The following GCNT4 variants were observed in gnomAD, a reference collection of about 807,000 sequenced individuals.
GCNT4 encodes the protein glucosaminyl (N-acetyl) transferase 4.
Under a neutral mutation model 31.3 loss-of-function variants are expected in GCNT4, and 17 were observed. The ratio of observed to expected loss-of-function variants is 0.54; its 90% confidence interval spans 0.37 to 0.81. The LOEUF (loss-of-function observed/expected upper bound fraction) is 0.81, where lower values mean the gene tolerates loss of function less well. Among genes scored for constraint, GCNT4 ranks in the 40% least tolerant of loss-of-function variants. The probability of loss-of-function intolerance (pLI) is 0.00; values close to 1 mark genes in which losing one functional copy is unlikely to be tolerated. For synonymous variants in GCNT4, 158 were observed against 190.6 expected, an observed-to-expected ratio of 0.83 and a Z score of 1.41; for missense variants, 503 against 525.5, an observed-to-expected ratio of 0.96 and a Z score of 0.42.
chr5:75,019,539 C>G, the GCNT4 span, among the ~76,000 whole-genome samples: 1 of 152,212 alleles, frequency 6.6e-6, no homozygotes, highest in Admixed American at 6.5e-5. Flanking sequence ...AAATCCCAAT[C>G]TCAGCTCTGA....
chr5:75,032,291 C>T (rs1561373987), intron 3 of GCNT4, among the ~76,000 whole-genome samples: 1 of 152,188 alleles, frequency 6.6e-6, no homozygotes, highest in African/African-American at 2.4e-5. Context: ...AACACCTTTC[C>T]CTCCAGCCTT....
intron 3 of GCNT4, among the ~76,000 whole-genome samples, chr5:75,042,342 T>G (rs1484383432): frequency 6.6e-6 from 1 of 152,148 alleles, no homozygotes; most frequent in Non-Finnish European, 1.5e-5. Flanking sequence ...AGAAAGAAAA[T>G]AACTTTCTCC....
In GCNT4 at chr5:75,028,541, C is replaced by T. The variant is rs1208378210; in HGVS notation, c.*135G>A. ...AACATCAAAGGCTAGATCACTTTCC[C>T]TTGTGTATGGAATTTTGGACACCTT... On this transcript the variant is annotated 3_prime_UTR_variant, in exon 4 of 4. Coordinates refer to ENST00000652361, the MANE Select transcript of GCNT4 (RefSeq NM_001366737.1). 26 of 809,678 alleles carry T rather than the reference C, an allele frequency of 3.2e-5. No individual in the cohort carries two copies. The highest frequency in any genetic ancestry group is 4.7e-5 in the Non-Finnish European group (25 of 528,946). The allele number at this position is 809,678 out of a possible 1,614,324, so 50.2% of individuals were successfully genotyped here. A position where few individuals can be genotyped will look rare whatever the true frequency, so the allele number is the denominator to read the frequency against.
chr5:75,026,647 CAAAAAAAAAAA>C lies in GCNT4; in HGVS notation c.*2018_*2028del, dbSNP rs547466422. 1 of 65,804 alleles carries C rather than the reference CAAAAAAAAAAA, an allele frequency of 1.5e-5. No homozygotes were observed. Among genetic ancestry groups the C allele is most frequent in the Non-Finnish European group, 3.0e-5 (1 of 33,792 alleles). The allele number at this position is 65,804 out of a possible 1,614,324, so 4.1% of individuals were successfully genotyped here. A position where few individuals can be genotyped will look rare whatever the true frequency, so the allele number is the denominator to read the frequency against. On this transcript the variant is annotated 3_prime_UTR_variant, in exon 4 of 4. Coordinates refer to ENST00000652361, the MANE Select transcript of GCNT4 (RefSeq NM_001366737.1). ...CATATACTATTTCAATCGATTCTCA[CAAAAAAAAAAA>C]AAAAAAAAAAAAAACACTTGTGTGG... is the stretch of plus-strand genomic sequence containing the variant.
At chr5:75,042,072 A>G (rs1743333522) in intron 3 of GCNT4, among the ~76,000 whole-genome samples, 1 of 152,234 alleles carries the variant, frequency 6.6e-6, no homozygotes, top group Non-Finnish European at 1.5e-5. Flanking sequence ...TTAGATATAA[A>G]GGATTATGAA....
intron 3 of GCNT4, among the ~76,000 whole-genome samples, chr5:75,047,403 G>C (rs1743465884): frequency 6.6e-6 from 1 of 152,192 alleles, no homozygotes; most frequent in African/African-American, 2.4e-5. Flanking sequence ...GGCATCAAAA[G>C]AGGTTTGGAA....
At position 75,038,735 on chromosome 5, in the gene GCNT4, A is replaced by C. The variant is rs148246949; in HGVS notation, c.-1-8697T>G. On this transcript the variant is annotated intron_variant, in intron 3 of 3. Transcript: ENST00000652361. The stretch of plus-strand genomic sequence containing the variant: ...TATGCCTTAGGGCTCTACCCTCATG[A>C]TTTAATCACTGTCTAAAGGCCCCAC... Among the ~76,000 whole-genome samples, 37 of 152,304 alleles carry C rather than the reference A, an allele frequency of 2.4e-4. 1 individual carries two copies. In the East Asian group the frequency reaches 6.2e-3, roughly 25 times the overall value.
chr5:75,042,090 T>C (rs1229071431), intron 3 of GCNT4, among the ~76,000 whole-genome samples: 1 of 152,222 alleles, frequency 6.6e-6, no homozygotes, highest in Non-Finnish European at 1.5e-5. Context: ...GAAAAAGGGG[T>C]GAATGAATGC....
intron 3 of GCNT4, among the ~76,000 whole-genome samples, chr5:75,041,099 G>A (rs532315883): frequency 4.3e-4 from 66 of 152,350 alleles, no homozygotes; most frequent in African/African-American, 1.6e-3. Context: ...AGCTTTTCCT[G>A]TAAGTTCATT....
rs1017844369 is a variant in GCNT4, at chr5:75,027,239, A to G, written c.*1437T>C. 1 of 145,104 alleles carries G rather than the reference A, an allele frequency of 6.9e-6. No individual in the cohort carries two copies. Among genetic ancestry groups the G allele is most frequent in the African/African-American group, 2.6e-5 (1 of 39,100 alleles). 9.0% of individuals were successfully genotyped at this position (145,104 alleles called of 1,614,324 possible). ...ATTCCTACCCCATTTTACTTCCAGA[A>G]CAATTCCATTATATATATAATATAT... On this transcript the variant is annotated 3_prime_UTR_variant, in exon 4 of 4. Transcript: ENST00000652361.
At position 75,028,770 on chromosome 5, in the gene GCNT4, C is replaced by A; in HGVS notation, c.1268G>T (p.Cys423Phe). The A allele has an allele frequency of 6.2e-7, 1 of 1,614,036 alleles. No homozygotes were observed. The highest frequency in any genetic ancestry group is 1.3e-5 in the African/African-American group (1 of 75,054). ...DSKVDPILIK[C>F]LAEKLEEQQR... Reference sequence around the variant, plus strand: ...CTGTTCTTCAAGCTTTTCTGCCAAGCATTTAATCAAGATAGGGTCCACCTT... The same window carrying A: ...CTGTTCTTCAAGCTTTTCTGCCAAGAATTTAATCAAGATAGGGTCCACCTT... The change falls in exon 4 of 4, where the codon TGC (cysteine) becomes TTC (phenylalanine). Residue 423 changes from cysteine to phenylalanine, a missense_variant. By Grantham distance (205) the Cys-to-Phe change is radical. Coordinates refer to ENST00000652361, the MANE Select transcript of GCNT4 (RefSeq NM_001366737.1).
At position 75,030,011 on chromosome 5, in the gene GCNT4, T is replaced by C; in HGVS notation, c.27A>G (p.Lys9=). 6.2e-7 allele frequency: 1 copy of C among 1,600,056 alleles called. No individual in the cohort carries two copies. Among genetic ancestry groups the C allele is most frequent in the Non-Finnish European group, 8.5e-7 (1 of 1,175,312 alleles). MKIFKCYF[K]HTLQQKVFIL... ...TGAAAACTTTCTGCTGTAGGGTATG[T>C]TTAAAATAACATTTGAATATCTTCA... The change falls in exon 4 of 4, where the codon AAA becomes AAG. Residue 9 remains lysine (K), a synonymous_variant. Coordinates refer to ENST00000652361, the MANE Select transcript of GCNT4 (RefSeq NM_001366737.1).
rs747540821 is a variant in GCNT4 at position 75,027,630 on chromosome 5, T to C, written c.*1046A>G. The C allele has an allele frequency of 5.3e-5, 8 of 152,138 alleles. No homozygotes were observed. Among genetic ancestry groups the C allele is most frequent in the Non-Finnish European group, 8.8e-5 (6 of 67,946 alleles). The allele number at this position is 152,138 out of a possible 1,614,324, so 9.4% of individuals were successfully genotyped here. A position where few individuals can be genotyped will look rare whatever the true frequency, so the allele number is the denominator to read the frequency against. On this transcript the variant is annotated 3_prime_UTR_variant, in exon 4 of 4. Transcript: ENST00000652361. ...TTAAATCTGGATTCCAGTTGGACAG[T>C]TGCCAGAGAAGAAAAAATTTTAAAT... is the stretch of plus-strand genomic sequence containing the variant.
the GCNT4 span, among the ~76,000 whole-genome samples, chr5:75,018,341 G>A: frequency 6.6e-6 from 1 of 152,250 alleles, no homozygotes; most frequent in African/African-American, 2.4e-5. Context: ...GAGTGCAGTG[G>A]CATGATCTCG....
At chr5:75,024,900 G>A (rs940673466), downstream of GCNT4, among the ~76,000 whole-genome samples, 4 of 139,324 alleles carry the variant, frequency 2.9e-5, no homozygotes, top group Non-Finnish European at 4.5e-5. Context: ...GCAGTGAGCC[G>A]AGATCGCACC....
intron 2 of GCNT4, 93 bp downstream of exon 2, chr5:75,052,074 CTG>C (rs977003285): frequency 1.3e-5 from 2 of 151,934 alleles, no homozygotes; most frequent in African/African-American, 4.8e-5. Flanking sequence ...TCAGAATGAA[CTG>C]TTAGTTTCTA....
chr5:75,024,008 T>A (rs975250332), downstream of GCNT4: 1 of 152,182 alleles, frequency 6.6e-6, no homozygotes, highest in Non-Finnish European at 1.5e-5. Flanking sequence ...AACACCCTGA[T>A]CATCTGTCTC....
intron 3 of GCNT4, among the ~76,000 whole-genome samples, chr5:75,035,369 C>T (rs887004409): frequency 4.6e-5 from 7 of 152,168 alleles, no homozygotes; most frequent in South Asian, 4.1e-4. Context: ...GAAAAAAGGA[C>T]AGAGTAAGGC....
In GCNT4 at chr5:75,028,942, T is replaced by G. The variant is rs1188168966; in HGVS notation, c.1096A>C (p.Thr366Pro). 5 of 1,613,774 alleles carry G rather than the reference T, an allele frequency of 3.1e-6. No individual in the cohort carries two copies. The highest frequency in any genetic ancestry group is 4.2e-6 in the Non-Finnish European group (5 of 1,179,982). ...TAGTAATTCCACTTGACAAGGCGAG[T>G]CTTACTCTGCAGATCAGACACATCC... ...AQDVSDLQSKTRLVKWNYYEG... is the reference protein window; with the variant it reads ...AQDVSDLQSKPRLVKWNYYEG... The change falls in exon 4 of 4, where the codon ACT becomes CCT. Residue 366 changes from threonine to proline, a missense_variant. Transcript: ENST00000652361.
Sources: allele counts gnomAD v4.1 joint callset (sites outside exome capture counted in the v4.1 genomes callset), GRCh38; gene constraint gnomAD v4.1.1; transcripts MANE v1.5; gene names NCBI Gene and HGNC (gene_info 2026-07-23, HGNC 2026-07-21).